CMSS1: variants seen among roughly 807,000 people sequenced by gnomAD.
The protein encoded by CMSS1 is cms1 ribosomal small subunit homolog, also known as protein CMSS1.
In CMSS1, 33 loss-of-function variants were observed where a neutral mutation model predicts 43.5. The observed-to-expected ratio is 0.76, with a 90% CI of 0.57 to 1.01. The LOEUF (loss-of-function observed/expected upper bound fraction) is 1.01. CMSS1 is among the 50% of genes least tolerant of loss of function. The pLI, the probability that CMSS1 is intolerant of heterozygous loss-of-function variation, is 0.00. For synonymous variants in CMSS1, 115 were observed against 117.2 expected (o/e 0.98, Z 0.12); for missense variants, 313 against 326.4 (o/e 0.96, Z 0.32).
chr3:99,948,772 AAAAG>A (rs1357956931), intron 1 of CMSS1, among the ~76,000 whole-genome samples: 3 of 149,854 alleles, frequency 2.0e-5, no homozygotes, highest in Admixed American at 1.3e-4. Flanking sequence ...GAAGGAAAGA[AAAAG>A]AGAAAGGAAA....
At chr3:99,833,319 T>C (rs967241196) in intron 1 of CMSS1, 2 of 1,451,680 alleles carry the variant, frequency 1.4e-6, no homozygotes, top group Admixed American at 1.8e-5. Flanking sequence ...ATTCTAAAAG[T>C]GTTGGTTTGT....
intron 1 of CMSS1, among the ~76,000 whole-genome samples, chr3:99,955,954 G>A (rs1030081150): frequency 2.0e-5 from 3 of 152,212 alleles, no homozygotes; most frequent in African/African-American, 2.4e-5. Context: ...TTGTTATGAC[G>A]TATTTACTTG....
intron 1 of CMSS1, among the ~76,000 whole-genome samples, chr3:99,842,131 C>G (rs1943160559): frequency 6.6e-6 from 1 of 152,110 alleles, no homozygotes; most frequent in South Asian, 2.1e-4. Flanking sequence ...GGTATATATA[C>G]ACCATGGAAT....
intron 1 of CMSS1, among the ~76,000 whole-genome samples, chr3:99,916,353 T>C (rs1706949845): frequency 6.6e-6 from 1 of 152,042 alleles, no homozygotes; most frequent in Admixed American, 6.6e-5. Flanking sequence ...CTGGCTTTCT[T>C]GGGTCTCCAG....
chr3:100,129,674 T>C (rs542081762), intron 1 of CMSS1, among the ~76,000 whole-genome samples: 1 of 152,332 alleles, frequency 6.6e-6, no homozygotes, highest in South Asian at 2.1e-4. Flanking sequence ...CCCCAGAGTC[T>C]TTAATATATT....
rs894806774 is a variant in CMSS1, at chr3:100,162,324, G to A, written c.247G>A (p.Ala83Thr). 1.4e-5 allele frequency: 23 copies of A among 1,609,960 alleles called. No individual in the cohort carries two copies. The highest frequency in any genetic ancestry group is 1.8e-5 in the Non-Finnish European group (21 of 1,178,272). Residue 83 changes from alanine (A) to threonine (T), a missense_variant, in exon 4 of 10, where the codon GCA becomes ACA. Physicochemically the swap from Ala to Thr is moderately conservative, Grantham distance 58. Transcript: ENST00000421999. ...RRKKKITDVL[A>T]KSEPKPGLPE... Reference sequence around the variant, plus strand: ...TTAGAAGAAAATTACTGATGTTCTTGCAAAATCAGAACCAAAACCAGGGTT... The same window carrying A: ...TTAGAAGAAAATTACTGATGTTCTTACAAAATCAGAACCAAAACCAGGGTT...
intron 1 of CMSS1, chr3:99,833,355 C>A (rs1350876477): frequency 3.7e-6 from 4 of 1,074,642 alleles, no homozygotes; most frequent in Non-Finnish European, 5.6e-6. Flanking sequence ...TCAAAAGAAA[C>A]CTAGCAATCT....
At chr3:99,876,167 A>G in intron 1 of CMSS1, 1 of 985,616 alleles carries the variant, frequency 1.0e-6, no homozygotes, top group Non-Finnish European at 1.2e-6. Flanking sequence ...AGTCGCCCGA[A>G]CAATGCGAGC....
intron 1 of CMSS1, among the ~76,000 whole-genome samples, chr3:99,988,464 A>G (rs1300778981): frequency 6.9e-6 from 1 of 145,766 alleles, no homozygotes; most frequent in Non-Finnish European, 1.5e-5. Flanking sequence ...GTGAGCCGAG[A>G]TCATGCCACT....
intron 9 of CMSS1, 151 bp from the exon 10 acceptor site, chr3:100,178,154 T>C (rs2067163246): frequency 4.0e-6 from 2 of 499,702 alleles, no homozygotes; most frequent in Non-Finnish European, 7.2e-6. Flanking sequence ...AAATTTCAAC[T>C]CTGAATCAAA....
intron 1 of CMSS1, among the ~76,000 whole-genome samples, chr3:99,884,410 G>A (rs1171776126): frequency 6.6e-6 from 1 of 152,102 alleles, no homozygotes; most frequent in Non-Finnish European, 1.5e-5. Flanking sequence ...CTGTTATCTT[G>A]TTAGATTATG....
intron 1 of CMSS1, among the ~76,000 whole-genome samples, chr3:100,067,701 A>G (rs556497932): frequency 4.6e-5 from 7 of 152,188 alleles, no homozygotes; most frequent in Non-Finnish European, 7.3e-5. Flanking sequence ...ATGATTAACT[A>G]GTTTAAAAAC....
At chr3:100,124,400 C>T (rs1451560726) in intron 1 of CMSS1, among the ~76,000 whole-genome samples, 1 of 152,218 alleles carries the variant, frequency 6.6e-6, no homozygotes, top group Non-Finnish European at 1.5e-5. Flanking sequence ...ACTTCAGCTA[C>T]AGGCATCAGT....
chr3:100,029,697 A>G (rs768645167), intron 1 of CMSS1, among the ~76,000 whole-genome samples: 4 of 152,164 alleles, frequency 2.6e-5, no homozygotes, highest in Non-Finnish European at 5.9e-5. Context: ...GAACAGTACA[A>G]CATTTCTGAT....
chr3:100,139,110 A>G (rs1021089185), intron 1 of CMSS1, among the ~76,000 whole-genome samples: 7 of 152,110 alleles, frequency 4.6e-5, no homozygotes, highest in African/African-American at 1.4e-4. Context: ...TAAACATCAC[A>G]TGTTCTCACC....
intron 1 of CMSS1, among the ~76,000 whole-genome samples, chr3:100,064,669 TTATTTC>T (rs1426255734): frequency 6.6e-6 from 1 of 152,194 alleles, no homozygotes; most frequent in Non-Finnish European, 1.5e-5. Context: ...ATGGAACTTT[TTATTTC>T]CACTTGCTGA....
chr3:99,940,868 G>A (rs913723077), intron 1 of CMSS1, among the ~76,000 whole-genome samples: 1 of 152,180 alleles, frequency 6.6e-6, no homozygotes, highest in Non-Finnish European at 1.5e-5. Context: ...ACATTCCAAC[G>A]TGAGGTCTTC....
rs980939347 is a variant in CMSS1 at position 100,091,360 on chromosome 3, CCTT to C, written c.65-55605_65-55603del. 2.5e-4 allele frequency among the ~76,000 whole-genome samples: 38 copies of C among 151,660 alleles called. 1 individual carries two copies. The highest frequency in any genetic ancestry group is 1.2e-3 in the Admixed American group (19 of 15,246). On this transcript the variant is annotated intron_variant, in intron 1 of 9. Coordinates refer to ENST00000421999, the MANE Select transcript of CMSS1 (RefSeq NM_032359.4). ...ATGTATGTATGTGTATGTATGTTCA[CCTT>C]CTTCTTCCAAAACAAAATGTTTTAA... is the stretch of plus-strand genomic sequence containing the variant.
chr3:100,063,876 A>C (rs746282302), intron 1 of CMSS1, among the ~76,000 whole-genome samples: 17 of 152,214 alleles, frequency 1.1e-4, no homozygotes, highest in Non-Finnish European at 2.2e-4. Context: ...TGTTACTTGA[A>C]GTATAGAGAA....
Sources: allele counts gnomAD v4.1 joint callset (sites outside exome capture counted in the v4.1 genomes callset), GRCh38; gene constraint gnomAD v4.1.1; transcripts MANE v1.5; gene names NCBI Gene and HGNC (gene_info 2026-07-23, HGNC 2026-07-21).